The following TBL1X variants were observed in gnomAD, a reference collection of about 807,000 sequenced individuals.
The protein encoded by TBL1X is transducin beta like 1 X-linked.
TBL1X carries 10 observed loss-of-function variants against 50.7 expected under a neutral mutation model. The observed-to-expected ratio is 0.20, with a 90% CI of 0.12 to 0.33. The LOEUF is 0.33. TBL1X is among the 10% of genes least tolerant of loss of function. The probability of loss-of-function intolerance (pLI) is 1.00; values close to 1 mark genes in which losing one functional copy is unlikely to be tolerated. For missense variants in TBL1X, 340 were observed against 504.4 expected (o/e 0.67, Z 3.12); for synonymous variants, 190 against 214.7 (o/e 0.88, Z 1.01).
At chrX:9,665,488 G>GATAT (rs2082922066) in intron 5 of TBL1X, among the ~76,000 whole-genome samples, 2 of 15,061 alleles carry the variant, frequency 1.3e-4, no homozygotes, top group East Asian at 2.9e-3. Context: ...TGATATTCAA[G>GATAT]CTATATATAT....
At chrX:9,615,475 A>G (rs190507321) in intron 2 of TBL1X, among the ~76,000 whole-genome samples, 2 of 112,377 alleles carry the variant, frequency 1.8e-5, no homozygotes, top group South Asian at 3.7e-4. Context: ...TACTAAGACA[A>G]TCACACACTC....
At position 9,697,509 on chromosome X, in the gene TBL1X, C is replaced by T. The variant is rs977291648; in HGVS notation, c.1114+80C>T. The T allele has an allele frequency of 2.5e-5, 29 of 1,163,398 alleles. No homozygotes were observed. In the Middle Eastern group the frequency reaches 1.0e-3, roughly 40 times the overall value. On this transcript the variant is annotated intron_variant, in intron 12 of 17. Transcript: ENST00000645353. Reference sequence around the variant, plus strand: ...AATTCAGGTCGAGCCCAGTGGCTTACGCCTGTAATCCCAGCACTTTGGGAA... The same window carrying T: ...AATTCAGGTCGAGCCCAGTGGCTTATGCCTGTAATCCCAGCACTTTGGGAA...
intron 2 of TBL1X, among the ~76,000 whole-genome samples, chrX:9,625,287 G>C (rs1297118138): frequency 8.9e-6 from 1 of 112,307 alleles, no homozygotes; most frequent in Admixed American, 9.4e-5. Context: ...GAGTGTAGCT[G>C]TTCCCACTGT....
chrX:9,700,879 C>G (rs2083166349), intron 12 of TBL1X, among the ~76,000 whole-genome samples: 1 of 111,689 alleles, frequency 9.0e-6, no homozygotes, highest in South Asian at 3.8e-4. Flanking sequence ...GGGCATTTTG[C>G]CGAGTGACAA....
At position 9,688,044 on chromosome X, in the gene TBL1X, A is replaced by G; in HGVS notation, c.385A>G (p.Ile129Val). The G allele has an allele frequency of 1.7e-6, 2 of 1,209,753 alleles. No homozygotes were observed. The highest frequency in any genetic ancestry group is 3.0e-5 in the East Asian group (1 of 33,787). Reference protein sequence around the residue: ...EDGTVFDGRPIESLSLIDAVM... With the variant: ...EDGTVFDGRPVESLSLIDAVM... ...TGGCACAGTGTTCGACGGCCGCCCCATAGAGTCCCTGTCACTGATAGACGC... is the reference window on the plus strand; with the variant it reads ...TGGCACAGTGTTCGACGGCCGCCCCGTAGAGTCCCTGTCACTGATAGACGC... The change falls in exon 7 of 18, where the codon ATA becomes GTA. Residue 129 changes from isoleucine (I) to valine (V), a missense_variant. Ile to Val is a conservative substitution (Grantham distance 29, BLOSUM62 3). Transcript: ENST00000645353.
chrX:9,637,773 T>C (rs1202302260), intron 2 of TBL1X: 1 of 111,285 alleles, frequency 9.0e-6, no homozygotes, highest in African/African-American at 3.3e-5. Context: ...TCCAGGTTCC[T>C]GTTGTGTTAC....
At chrX:9,500,235 C>G (rs1197270681) in intron 1 of TBL1X, among the ~76,000 whole-genome samples, 1 of 99,381 alleles carries the variant, frequency 1.0e-5, no homozygotes, top group Non-Finnish European at 2.0e-5. Flanking sequence ...CATGATGGCA[C>G]CACTGCACTA....
chrX:9,542,347 C>T (rs1249567166), intron 2 of TBL1X, among the ~76,000 whole-genome samples: 2 of 111,389 alleles, frequency 1.8e-5, no homozygotes, highest in African/African-American at 6.5e-5. Context: ...AAATGAATTG[C>T]TCCTGGAAGC....
chrX:9,667,899 C>A (rs1370158298), intron 5 of TBL1X, among the ~76,000 whole-genome samples: 2 of 111,291 alleles, frequency 1.8e-5, no homozygotes, highest in Non-Finnish European at 3.8e-5. Flanking sequence ...ATGTTTTAAA[C>A]CTTTGATATT....
At chrX:9,709,210 C>T (rs1409641114) in intron 13 of TBL1X, 38 bp from the exon 14 acceptor site, 1 of 1,188,207 alleles carries the variant, frequency 8.4e-7, no homozygotes, top group Non-Finnish European at 1.1e-6. Context: ...TACTCACAGG[C>T]CCTGATGTCT....
At chrX:9,638,493 C>G (rs1054735035) in intron 2 of TBL1X, among the ~76,000 whole-genome samples, 5 of 111,676 alleles carry the variant, frequency 4.5e-5, no homozygotes, top group African/African-American at 1.6e-4. Context: ...TGTTATTAAC[C>G]AAAGTCATAA....
intron 2 of TBL1X, among the ~76,000 whole-genome samples, chrX:9,591,377 C>A (rs192819701): frequency 8.9e-6 from 1 of 112,246 alleles, no homozygotes; most frequent in Admixed American, 9.4e-5. Flanking sequence ...TTCTCTCAGA[C>A]GCCTTGCTGT....
intron 2 of TBL1X, among the ~76,000 whole-genome samples, chrX:9,612,923 T>A (rs751864604): frequency 9.1e-6 from 1 of 109,904 alleles, no homozygotes; most frequent in East Asian, 2.8e-4. Context: ...AAGTAAAATA[T>A]CTGGTATATA....
At chrX:9,675,908 A>G (rs1195123885) in intron 5 of TBL1X, among the ~76,000 whole-genome samples, 2 of 109,333 alleles carry the variant, frequency 1.8e-5, no homozygotes, top group East Asian at 5.7e-4. Context: ...AAAAAAAAAA[A>G]GAAGAAAGTA....
Position 9,709,711 on chromosome X carries a change from C to T in TBL1X, c.1390C>T (p.Pro464Ser). Reference protein sequence around the residue: ...NKEIYTIKWSPTGPATSNPNS... With the variant: ...NKEIYTIKWSSTGPATSNPNS... ...AGAGATCTACACCATCAAGTGGAGC[C>T]CCACTGGGCCCGCCACCAGCAACCC... Residue 464 changes from proline to serine, a missense_variant, in exon 15 of 18, where the codon CCC becomes TCC. Physicochemically the swap from Pro to Ser is moderately conservative, Grantham distance 74 (BLOSUM62 -1). Coordinates refer to ENST00000645353, the MANE Select transcript of TBL1X (RefSeq NM_005647.4). The T allele has an allele frequency of 1.7e-6, 2 of 1,208,625 alleles. No homozygotes were observed. The highest frequency in any genetic ancestry group is 2.2e-6 in the Non-Finnish European group (2 of 893,873).
chrX:9,647,066 G>T (rs1220904225), intron 3 of TBL1X, among the ~76,000 whole-genome samples: 1 of 111,578 alleles, frequency 9.0e-6, no homozygotes, highest in Admixed American at 9.5e-5. Flanking sequence ...CAGAATGATG[G>T]CATATTGAGT....
upstream of TBL1X, among the ~76,000 whole-genome samples, chrX:9,463,710 G>A (rs1037762626): frequency 9.0e-6 from 1 of 111,502 alleles, no homozygotes; most frequent in Non-Finnish European, 1.9e-5. Context: ...GGCCAATATG[G>A]TGAAACCCCG....
intron 7 of TBL1X, among the ~76,000 whole-genome samples, chrX:9,689,051 C>T (rs770488311): frequency 1.8e-5 from 2 of 113,460 alleles, no homozygotes; most frequent in East Asian, 2.8e-4. Context: ...CGCGTATATG[C>T]GTGTGCGCAC....
chrX:9,475,784 T>C (rs907823091), intron 1 of TBL1X, among the ~76,000 whole-genome samples: 1 of 111,854 alleles, frequency 8.9e-6, no homozygotes, highest in Non-Finnish European at 1.9e-5. Flanking sequence ...AGACCAGTTT[T>C]TAGTTTGTTT....
Sources: allele counts gnomAD v4.1 joint callset (sites outside exome capture counted in the v4.1 genomes callset), GRCh38; gene constraint gnomAD v4.1.1; transcripts MANE v1.5; gene names NCBI Gene and HGNC (gene_info 2026-07-23, HGNC 2026-07-21).